The following REPS2 variants were observed in gnomAD, a reference collection of about 807,000 sequenced individuals.
REPS2 encodes the protein RALBP1 associated Eps domain containing 2.
REPS2 carries 23 observed loss-of-function variants against 53.6 expected under a neutral mutation model. That is an observed-to-expected ratio of 0.43 (90% CI 0.31 to 0.61). The LOEUF (loss-of-function observed/expected upper bound fraction) is 0.61. REPS2 is among the 20% of genes least tolerant of loss of function. The pLI is 0.11. For synonymous variants in REPS2, 238 were observed against 218.6 expected, an observed-to-expected ratio of 1.09 and a Z score of -0.78; for missense variants, 446 against 534.9, an observed-to-expected ratio of 0.83 and a Z score of 1.64.
chrX:17,177,769 G>A, the REPS2 span, among the ~76,000 whole-genome samples: 3 of 111,927 alleles, frequency 2.7e-5, no homozygotes, highest in African/African-American at 9.7e-5. Flanking sequence ...CTAGGCCTGC[G>A]AATTTGGGAA....
chrX:17,012,884 T>C (rs1214896568), intron 2 of REPS2, among the ~76,000 whole-genome samples: 1 of 112,194 alleles, frequency 8.9e-6, no homozygotes. Flanking sequence ...TCTTCATTTC[T>C]TTTTTTGTTG....
At chrX:17,122,955 G>A (rs777631260) in intron 14 of REPS2, among the ~76,000 whole-genome samples, 5 of 112,422 alleles carry the variant, frequency 4.4e-5, no homozygotes, top group Admixed American at 3.8e-4. Flanking sequence ...GATTGTAAGT[G>A]TGATAAAATA....
rs776030608 is a variant in REPS2 at position 17,150,662 on chromosome X, G to A, written c.*3181G>A. On this transcript the variant is annotated 3_prime_UTR_variant, in exon 18 of 18. Coordinates refer to ENST00000357277, the MANE Select transcript of REPS2 (RefSeq NM_004726.3). The stretch of plus-strand genomic sequence containing the variant: ...AAGCTGTGCCCATCTTACTGTCACT[G>A]GAGAATAGGATGTCAGAGCTGGGCA... The A allele has an allele frequency of 8.9e-6, 1 of 112,275 alleles. No individual in the cohort carries two copies. Among genetic ancestry groups the A allele is most frequent in the Admixed American group, 9.4e-5 (1 of 10,609 alleles). 9.3% of individuals were successfully genotyped at this position (112,275 alleles called of 1,213,427 possible).
intron 16 of REPS2, 120 bp downstream of exon 16, chrX:17,135,526 T>C: frequency 3.6e-6 from 3 of 842,922 alleles, no homozygotes. Context: ...TGTAAGTTTA[T>C]CTTGCTCATC....
At chrX:16,964,939 CG>C (rs749203584) in intron 1 of REPS2, among the ~76,000 whole-genome samples, 52 of 9,717 alleles carry the variant, frequency 5.4e-3, no homozygotes, top group African/African-American at 0.015. Flanking sequence ...CCCTCCCGGA[CG>C]GGGCGGCTGG....
intron 9 of REPS2, among the ~76,000 whole-genome samples, chrX:17,063,572 C>T (rs2062185858): frequency 8.9e-6 from 1 of 111,988 alleles, no homozygotes; most frequent in East Asian, 2.8e-4. Flanking sequence ...GTACTTTCCT[C>T]AGATTTCTAC....
At chrX:17,068,743 A>G (rs1230672718) in intron 10 of REPS2, among the ~76,000 whole-genome samples, 1 of 112,158 alleles carries the variant, frequency 8.9e-6, no homozygotes, top group Non-Finnish European at 1.9e-5. Flanking sequence ...ATCTGATCGT[A>G]GCAATTAGGA....
chrX:17,129,724 A>G (rs965709293), intron 14 of REPS2, among the ~76,000 whole-genome samples: 3 of 112,317 alleles, frequency 2.7e-5, no homozygotes, highest in African/African-American at 9.7e-5. Context: ...AGGAGGCAAT[A>G]ACAAAGACGC....
At chrX:16,950,870 T>C (rs2060497086) in intron 1 of REPS2, among the ~76,000 whole-genome samples, 1 of 112,298 alleles carries the variant, frequency 8.9e-6, no homozygotes, top group Non-Finnish European at 1.9e-5. Context: ...GGTAACATAG[T>C]GAGACCCTGT....
chrX:17,154,789 A>T (rs1448760509), downstream of REPS2, among the ~76,000 whole-genome samples: 3 of 112,854 alleles, frequency 2.7e-5, no homozygotes, highest in African/African-American at 9.6e-5. Flanking sequence ...CAGGAAATGT[A>T]GTCTAGCTGT....
At chrX:17,032,953 T>C (rs1055333279) in intron 5 of REPS2, among the ~76,000 whole-genome samples, 1 of 112,587 alleles carries the variant, frequency 8.9e-6, no homozygotes, top group Non-Finnish European at 1.9e-5. Flanking sequence ...TTGATAGTGC[T>C]TTGTAAAGAA....
intron 1 of REPS2, among the ~76,000 whole-genome samples, chrX:16,988,954 T>C (rs1373828027): frequency 9.0e-6 from 1 of 111,658 alleles, no homozygotes; most frequent in Non-Finnish European, 1.9e-5. Flanking sequence ...GATATAATTA[T>C]AAAATTTATA....
chrX:17,191,217 A>C, the REPS2 span, among the ~76,000 whole-genome samples: 1 of 112,311 alleles, frequency 8.9e-6, no homozygotes, highest in African/African-American at 3.2e-5. Context: ...TTCTGACAAG[A>C]ACTGATATCC....
intron 6 of REPS2, among the ~76,000 whole-genome samples, chrX:17,047,925 C>T (rs935502978): frequency 8.9e-6 from 1 of 112,790 alleles, no homozygotes; most frequent in Non-Finnish European, 1.9e-5. Context: ...GTTTGTCCTC[C>T]AGTTTTTCTG....
intron 1 of REPS2, among the ~76,000 whole-genome samples, chrX:16,976,663 A>G (rs1416898490): frequency 9.0e-6 from 1 of 111,693 alleles, no homozygotes; most frequent in African/African-American, 3.3e-5. Context: ...CCTTATTTTT[A>G]GTAACATTCC....
rs538267945 is a variant in REPS2 at position 17,148,186 on chromosome X, A to G, written c.*705A>G. ...ATGAGCTGTTTAACTTGGCCAAGCT[A>G]GGCTGTCAACCCAGACAACTCAGTC... On this transcript the variant is annotated 3_prime_UTR_variant, in exon 18 of 18. Transcript: ENST00000357277. 2 of 112,703 alleles carry G rather than the reference A, an allele frequency of 1.8e-5. No individual in the cohort carries two copies. The highest frequency in any genetic ancestry group is 7.3e-4 in the South Asian group (2 of 2,722). 9.3% of individuals were successfully genotyped at this position (112,703 alleles called of 1,213,427 possible).
intron 2 of REPS2, among the ~76,000 whole-genome samples, chrX:17,015,152 T>C (rs974089355): frequency 3.5e-5 from 4 of 113,143 alleles, no homozygotes; most frequent in Non-Finnish European, 7.5e-5. Flanking sequence ...TAGAAAAGCA[T>C]CTACAACTTT....
At chrX:17,126,164 C>A (rs1253438551) in intron 14 of REPS2, among the ~76,000 whole-genome samples, 1 of 112,224 alleles carries the variant, frequency 8.9e-6, no homozygotes, top group African/African-American at 3.2e-5. Context: ...TAAATAAATT[C>A]ATGCAAAGAA....
intron 14 of REPS2, among the ~76,000 whole-genome samples, chrX:17,110,362 A>G: frequency 1.0e-5 from 1 of 96,416 alleles, no homozygotes; most frequent in Admixed American, 1.2e-4. Flanking sequence ...CTAGTTGACC[A>G]TCTCAAATCT....
Sources: gnomAD v4.1 joint callset for allele counts (sites outside exome capture counted in the v4.1 genomes callset) on GRCh38, gnomAD v4.1.1 for gene constraint, MANE v1.5 for transcripts, NCBI Gene and HGNC (gene_info 2026-07-23, HGNC 2026-07-21) for gene names.